Variants in LMAN2 observed in about 807,000 individuals in gnomAD.
LMAN2 encodes the protein lectin, mannose binding 2, also known as vesicular integral-membrane protein VIP36.
LMAN2 carries 22 observed loss-of-function variants against 39.3 expected under a neutral mutation model. The observed-to-expected ratio is 0.56, with a 90% CI of 0.40 to 0.80. LMAN2 has a LOEUF of 0.80. LMAN2 is among the 30% of genes least tolerant of loss of function. LMAN2 has a pLI of 0.00. For missense variants in LMAN2, 494 were observed against 505.4 expected (o/e 0.98, Z 0.22); for synonymous variants, 207 against 207.8 (o/e 1.00, Z 0.03).
At chr5:177,346,369 A>C (rs1761638133) in intron 2 of LMAN2, 1 of 727,370 alleles carries the variant, frequency 1.4e-6, no homozygotes, top group Non-Finnish European at 1.9e-6. Context: ...TAAGCAGATT[A>C]CTTCCATCAG....
At chr5:177,347,540 A>T (rs1246027866) in intron 2 of LMAN2, among the ~76,000 whole-genome samples, 1 of 152,096 alleles carries the variant, frequency 6.6e-6, no homozygotes, top group East Asian at 1.9e-4. Flanking sequence ...TTGGGGACAA[A>T]CACGATATGA....
At chr5:177,349,878 A>C (rs1024517068) in intron 2 of LMAN2, among the ~76,000 whole-genome samples, 1 of 152,232 alleles carries the variant, frequency 6.6e-6, no homozygotes, top group Non-Finnish European at 1.5e-5. Flanking sequence ...GAGACTTAAC[A>C]GATGAGAAGG....
rs370118947 is a variant in LMAN2, at chr5:177,334,366, C to T, written c.828G>A (p.Leu276=). ...CCTCGTCGGGCGTGTGCTCCACCAT[C>T]AGCTGGAACAGCTTCATGGAGATGA... The part of the protein sequence containing the change: ...HDIISMKLFQ[L]MVEHTPDEES... The change falls in exon 7 of 8, where the codon CTG becomes CTA. Residue 276 remains leucine (L), a synonymous_variant. Transcript: ENST00000303127. 10 of 1,613,696 alleles carry T rather than the reference C, an allele frequency of 6.2e-6. No homozygotes were observed. The highest frequency in any genetic ancestry group is 1.7e-4 in the Middle Eastern group (1 of 6,010).
At chr5:177,345,798 C>T (rs188545405) in intron 2 of LMAN2, among the ~76,000 whole-genome samples, 2,017 of 150,290 alleles carry the variant, frequency 0.013, 23 homozygotes, top group Non-Finnish European at 0.019. Flanking sequence ...GAGACAGTCT[C>T]GCTCTGTCGC....
intron 2 of LMAN2, among the ~76,000 whole-genome samples, chr5:177,349,504 A>C (rs967501512): frequency 4.6e-5 from 7 of 152,214 alleles, no homozygotes; most frequent in African/African-American, 1.7e-4. Flanking sequence ...GAAGGAAGGC[A>C]AAACAATTGT....
chr5:177,346,367 T>G (rs1761638091), intron 2 of LMAN2: 1 of 725,808 alleles, frequency 1.4e-6, no homozygotes, highest in Non-Finnish European at 1.9e-6. Flanking sequence ...ATTAAGCAGA[T>G]TACTTCCATC....
Position 177,331,906 on chromosome 5 carries a change from A to C in LMAN2, c.*180T>G. On this transcript the variant is annotated 3_prime_UTR_variant, in exon 8 of 8. Transcript: ENST00000303127. ...CCAGCTGTGGGGGGTGCCAGACCCT[A>C]AGCCTCGGCTCTGCCACCTGTCCCT... 3 of 686,162 alleles carry C rather than the reference A, an allele frequency of 4.4e-6. No homozygotes were observed. The highest frequency in any genetic ancestry group is 4.6e-6 in the Non-Finnish European group (2 of 432,996). The allele number at this position is 686,162 out of a possible 1,614,324, so 42.5% of individuals were successfully genotyped here.
intron 2 of LMAN2, among the ~76,000 whole-genome samples, chr5:177,347,477 T>G (rs997785199): frequency 9.9e-5 from 15 of 152,184 alleles, no homozygotes; most frequent in African/African-American, 3.1e-4. Flanking sequence ...AGAAGGCCTC[T>G]GGAGGATCTT....
chr5:177,332,130 C>A lies in LMAN2; in HGVS notation c.1027G>T (p.Val343Leu). ...GIVVCAVVGA[V>L]VFQKRQERNK... ...CGCTCCTGCCGCTTCTGGAACACCACGGCCCCCACCACGGCGCAGACAACG... is the reference window on the plus strand; with the variant it reads ...CGCTCCTGCCGCTTCTGGAACACCAAGGCCCCCACCACGGCGCAGACAACG... The change falls in exon 8 of 8, where the codon GTG becomes TTG. Residue 343 changes from valine (V) to leucine (L), a missense_variant. Physicochemically the swap from Val to Leu is conservative, Grantham distance 32 (BLOSUM62 1). Coordinates refer to ENST00000303127, the MANE Select transcript of LMAN2 (RefSeq NM_006816.3). The surrounding 1 kb of genome is among the most constrained non-coding windows in gnomAD (Gnocchi z 6.3). 1.2e-6 allele frequency: 2 copies of A among 1,613,594 alleles called. No homozygotes were observed. Among genetic ancestry groups the A allele is most frequent in the Non-Finnish European group, 1.7e-6 (2 of 1,179,906 alleles).
At chr5:177,344,001 G>C (rs1761596345) in intron 2 of LMAN2, among the ~76,000 whole-genome samples, 1 of 151,944 alleles carries the variant, frequency 6.6e-6, no homozygotes, top group Non-Finnish European at 1.5e-5. Context: ...CTTGAGGCCA[G>C]GAGTTCGAGA....
chr5:177,338,746 AG>A, intron 2 of LMAN2, 141 bp from the exon 3 acceptor site: 1 of 710,732 alleles, frequency 1.4e-6, no homozygotes, highest in Non-Finnish European at 2.5e-6. Flanking sequence ...CAGGGCCACA[AG>A]TGCCACTGAC....
In LMAN2 at chr5:177,332,153, A is replaced by T; in HGVS notation, c.1004T>A (p.Val335Asp). The change falls in exon 8 of 8, where the codon GTT becomes GAT. Residue 335 changes from valine to aspartate, a missense_variant. By Grantham distance (152) the Val-to-Asp change is radical (BLOSUM62 -3). Coordinates refer to ENST00000303127, the MANE Select transcript of LMAN2 (RefSeq NM_006816.3). This position sits in a 1 kb window ranked among gnomAD's most constrained non-coding sequence, Gnocchi z 6.3. ...LLLLCALLGI[V>D]VCAVVGAVVF... ...CACGGCCCCCACCACGGCGCAGACA[A>T]CGATGCCCAGGAGAGCGCACAGCAG... The T allele has an allele frequency of 6.2e-7, 1 of 1,613,688 alleles. No homozygotes were observed. Among genetic ancestry groups the T allele is most frequent in the Non-Finnish European group, 8.5e-7 (1 of 1,179,966 alleles).
In LMAN2 at chr5:177,331,749, C is replaced by T. The variant is rs965208424; in HGVS notation, c.*337G>A. 1.9e-5 allele frequency: 4 copies of T among 205,730 alleles called. No homozygotes were observed. The highest frequency in any genetic ancestry group is 4.6e-5 in the African/African-American group (2 of 43,366). The allele number at this position is 205,730 out of a possible 1,614,324, so 12.7% of individuals were successfully genotyped here. ...ACCACAAAACAAAATCACTTCCCCA[C>T]GTCCTCAGGAGCCCACCCCAGTGTG... On this transcript the variant is annotated 3_prime_UTR_variant, in exon 8 of 8. Transcript: ENST00000303127.
At position 177,332,404 on chromosome 5, in the gene LMAN2, C is replaced by T. The variant is rs555671525; in HGVS notation, c.911-158G>A. 5.9e-5 allele frequency: 39 copies of T among 658,702 alleles called. No homozygotes were observed. The Admixed American group carries it at 9.2e-4, about 16-fold the overall frequency. 40.8% of individuals were successfully genotyped at this position (658,702 alleles called of 1,614,324 possible). Reference sequence around the variant, plus strand: ...GGGAGGGGCAGAGGTCAGGTGAAGCCCATCCCAGCCAGCTCTGCAGTCCCC... The same window carrying T: ...GGGAGGGGCAGAGGTCAGGTGAAGCTCATCCCAGCCAGCTCTGCAGTCCCC... On this transcript the variant is annotated intron_variant, in intron 7 of 7. Transcript: ENST00000303127. The surrounding 1 kb of genome is among the most constrained non-coding windows in gnomAD (Gnocchi z 6.3).
rs886098125 is a variant in LMAN2 at position 177,334,297 on chromosome 5, G to C, written c.897C>G (p.Leu299=). 3.7e-6 allele frequency: 6 copies of C among 1,612,270 alleles called. No individual in the cohort carries two copies. Among genetic ancestry groups the C allele is most frequent in the Middle Eastern group, 2.0e-4 (1 of 4,982 alleles). ...WTKIEPSVNF[L]KSPKDNVDDP... is the part of the protein sequence containing the mutation. ...GTGCACACGCACCTTTGGGCGACTT[G>C]AGGAAGTTGACGCTGGGCTCGATCT... is the stretch of plus-strand genomic sequence containing the variant. The change falls in exon 7 of 8, where the codon CTC becomes CTG. Residue 299 remains leucine (L), a synonymous_variant. Transcript: ENST00000303127.
At chr5:177,343,674 A>G (rs537869218) in intron 2 of LMAN2, among the ~76,000 whole-genome samples, 1 of 133,360 alleles carries the variant, frequency 7.5e-6, no homozygotes, top group Non-Finnish European at 1.6e-5. Context: ...ATGCTCAGTA[A>G]AATAAGTCAA....
chr5:177,344,209 C>G (rs1054882756), intron 2 of LMAN2, among the ~76,000 whole-genome samples: 4 of 146,274 alleles, frequency 2.7e-5, no homozygotes, highest in Admixed American at 2.7e-4. Context: ...CAAAGTGAGA[C>G]CCCCCCCATC....
chr5:177,337,723 T>A lies in LMAN2; in HGVS notation c.496A>T (p.Asn166Tyr). Residue 166 changes from asparagine to tyrosine, a missense_variant, in exon 4 of 8, where the codon AAT (asparagine) becomes TAT (tyrosine). Transcript: ENST00000303127. The surrounding 1 kb of genome is among the most constrained non-coding windows in gnomAD (Gnocchi z 8.2). ...GGGCCTACCTCAGTGGTCTCATCAT[T>A]GGGGTAGGTGTCCAGGAAGATGGCT... ...GLAIFLDTYP[N>Y]DETTERVFPY... 2.5e-6 allele frequency: 4 copies of A among 1,614,048 alleles called. No homozygotes were observed. Among genetic ancestry groups the A allele is most frequent in the Non-Finnish European group, 1.7e-6 (2 of 1,180,006 alleles).
intron 2 of LMAN2, among the ~76,000 whole-genome samples, chr5:177,344,019 G>A (rs1357538500): frequency 6.6e-5 from 10 of 151,738 alleles, no homozygotes; most frequent in South Asian, 2.1e-4. Flanking sequence ...AGACCAGCCC[G>A]GGGCAGCATA....
Sources: allele counts gnomAD v4.1 joint callset (sites outside exome capture counted in the v4.1 genomes callset), GRCh38; gene constraint gnomAD v4.1.1; non-coding constraint Gnocchi (gnomAD v3.1); transcripts MANE v1.5; gene names NCBI Gene and HGNC (gene_info 2026-07-23, HGNC 2026-07-21).